The following UNC5C variants were observed in gnomAD, a reference collection of about 807,000 sequenced individuals.
The protein encoded by UNC5C is netrin receptor UNC5C.
UNC5C carries 47 observed loss-of-function variants against 99.8 expected under a neutral mutation model. The observed-to-expected ratio is 0.47, with a 90% CI of 0.37 to 0.60. UNC5C has a LOEUF of 0.60. UNC5C is among the 20% of genes least tolerant of loss of function. UNC5C has a pLI of 0.00. For missense variants in UNC5C, 1,062 were observed against 1,165.9 expected, an observed-to-expected ratio of 0.91 and a Z score of 1.30; for synonymous variants, 487 against 452.2, an observed-to-expected ratio of 1.08 and a Z score of -0.98.
intron 12 of UNC5C, among the ~76,000 whole-genome samples, chr4:95,194,024 A>T (rs1737272147): frequency 6.6e-6 from 1 of 152,070 alleles, no homozygotes; most frequent in African/African-American, 2.4e-5. Context: ...ATCTGCAAAC[A>T]TCTCCCCGTC....
At chr4:95,312,420 G>T (rs115723505) in intron 2 of UNC5C, among the ~76,000 whole-genome samples, 2,261 of 152,234 alleles carry the variant, frequency 0.015, 55 homozygotes, top group African/African-American at 0.05. Context: ...AAAATAAAGT[G>T]TTTAATCCCA....
intron 7 of UNC5C, among the ~76,000 whole-genome samples, chr4:95,236,312 T>C (rs1047786678): frequency 2.0e-5 from 3 of 151,876 alleles, no homozygotes; most frequent in African/African-American, 7.3e-5. Context: ...AAACCATCAT[T>C]CTCAGCAAAC....
intron 1 of UNC5C, among the ~76,000 whole-genome samples, chr4:95,489,506 A>G (rs911775692): frequency 2.6e-5 from 4 of 151,738 alleles, no homozygotes; most frequent in African/African-American, 9.7e-5. Context: ...CTGACCTACT[A>G]TAGATGTTAA....
intron 1 of UNC5C, among the ~76,000 whole-genome samples, chr4:95,506,403 T>C (rs1458507459): frequency 1.3e-5 from 2 of 152,014 alleles, no homozygotes; most frequent in Non-Finnish European, 2.9e-5. Flanking sequence ...AGTCAAAATA[T>C]GTCACCAAAC....
chr4:95,530,890 C>T (rs901554577), intron 1 of UNC5C, among the ~76,000 whole-genome samples: 12 of 152,116 alleles, frequency 7.9e-5, no homozygotes, highest in African/African-American at 2.9e-4. Context: ...GATTCGATGA[C>T]CTTTGAAACC....
intron 12 of UNC5C, among the ~76,000 whole-genome samples, chr4:95,198,338 A>G (rs1737517300): frequency 6.6e-6 from 1 of 152,074 alleles, no homozygotes. Flanking sequence ...ATCTTGTGGG[A>G]GAGAGAGATG....
intron 4 of UNC5C, among the ~76,000 whole-genome samples, chr4:95,256,852 G>C (rs1740016991): frequency 6.6e-6 from 1 of 151,682 alleles, no homozygotes; most frequent in Admixed American, 6.6e-5. Flanking sequence ...GGTCAGGAAG[G>C]GTCCAGCATG....
chr4:95,185,370 C>T (rs1382905994), intron 12 of UNC5C, among the ~76,000 whole-genome samples, 174 bp from the exon 13 acceptor site: 1 of 152,212 alleles, frequency 6.6e-6, no homozygotes, highest in African/African-American at 2.4e-5. Context: ...ACTAAAGCCC[C>T]TCCCATTTTG....
chr4:95,513,174 G>A (rs553249370), intron 1 of UNC5C, among the ~76,000 whole-genome samples: 3 of 152,256 alleles, frequency 2.0e-5, no homozygotes, highest in East Asian at 1.9e-4. Flanking sequence ...ATTACATCCC[G>A]GCATGTAATG....
intron 1 of UNC5C, among the ~76,000 whole-genome samples, chr4:95,394,569 C>T (rs531536735): frequency 6.6e-6 from 1 of 151,862 alleles, no homozygotes; most frequent in African/African-American, 2.4e-5. Context: ...AAGTACTTCC[C>T]AACAGATATT....
At chr4:95,533,266 G>A (rs1007446003) in intron 1 of UNC5C, among the ~76,000 whole-genome samples, 2 of 151,946 alleles carry the variant, frequency 1.3e-5, no homozygotes, top group African/African-American at 4.8e-5. Context: ...GGGCATGGTG[G>A]CGGGCGTCTG....
chr4:95,414,608 G>A (rs1018036374), intron 1 of UNC5C, among the ~76,000 whole-genome samples: 4 of 152,174 alleles, frequency 2.6e-5, no homozygotes, highest in African/African-American at 9.7e-5. Flanking sequence ...GTGGCCACAG[G>A]GATGTGAACA....
At chr4:95,278,483 T>G in intron 3 of UNC5C, 121 bp from the exon 4 acceptor site, 1 of 678,072 alleles carries the variant, frequency 1.5e-6, no homozygotes, top group Non-Finnish European at 2.4e-6. Context: ...TCTTTTTTCT[T>G]TTTTTTTTTG....
At chr4:95,365,357 T>A (rs1350571450) in intron 1 of UNC5C, among the ~76,000 whole-genome samples, 2 of 146,078 alleles carry the variant, frequency 1.4e-5, no homozygotes, top group Non-Finnish European at 3.0e-5. Flanking sequence ...CAATAAAAAA[T>A]TATATAACAT....
At chr4:95,226,534 T>C (rs1738697280) in intron 7 of UNC5C, among the ~76,000 whole-genome samples, 1 of 152,228 alleles carries the variant, frequency 6.6e-6, no homozygotes, top group Admixed American at 6.5e-5. Context: ...GCCTATTATC[T>C]AATGAGTGAT....
chr4:95,345,741 G>A (rs1247365011), intron 1 of UNC5C, among the ~76,000 whole-genome samples: 1 of 151,966 alleles, frequency 6.6e-6, no homozygotes, highest in Non-Finnish European at 1.5e-5. Context: ...TAAACAATAT[G>A]CTCCTGAACA....
chr4:95,425,564 C>A (rs570474335), intron 1 of UNC5C, among the ~76,000 whole-genome samples: 1 of 152,322 alleles, frequency 6.6e-6, no homozygotes, highest in South Asian at 2.1e-4. Context: ...CCTCGTGATC[C>A]GCCCAAAGTG....
intron 4 of UNC5C, among the ~76,000 whole-genome samples, chr4:95,274,887 G>A (rs540276687): frequency 5.3e-5 from 8 of 152,158 alleles, no homozygotes; most frequent in African/African-American, 1.9e-4. Flanking sequence ...CTAGCCATGC[G>A]TGGTGATGTG....
chr4:95,177,409 G>C (rs372715177), intron 14 of UNC5C, among the ~76,000 whole-genome samples: 11,175 of 42,000 alleles, frequency 0.27, 881 homozygotes, highest in African/African-American at 0.47. Flanking sequence ...CACCCAGAGC[G>C]CCCCCCATAT....
Sources: allele counts gnomAD v4.1 joint callset (sites outside exome capture counted in the v4.1 genomes callset), GRCh38; gene constraint gnomAD v4.1.1; transcripts MANE v1.5; gene names NCBI Gene and HGNC (gene_info 2026-07-23, HGNC 2026-07-21).